The following KCNT1 variants were observed in gnomAD, a reference collection of about 807,000 sequenced individuals.
KCNT1 encodes potassium channel subfamily T member 1.
KCNT1 carries 78 observed loss-of-function variants against 147.8 expected under a neutral mutation model. That is an observed-to-expected ratio of 0.53 (90% CI 0.44 to 0.64). The LOEUF (loss-of-function observed/expected upper bound fraction) is 0.64. Among genes scored for constraint, KCNT1 ranks in the 30% least tolerant of loss-of-function variants. The probability of loss-of-function intolerance (pLI) is 0.00; values close to 1 mark genes in which losing one functional copy is unlikely to be tolerated. For missense variants in KCNT1, 1,419 were observed against 1,750.3 expected, an observed-to-expected ratio of 0.81 and a Z score of 3.38; for synonymous variants, 867 against 748.8, an observed-to-expected ratio of 1.16 and a Z score of -2.58.
chr9:135,791,486 T>TGCAGGTGTGC (rs1834523441), intron 29 of KCNT1: 1 of 401,706 alleles, frequency 2.5e-6, no homozygotes, highest in Non-Finnish European at 4.7e-6. Context: ...CGCTGGTGTG[T>TGCAGGTGTGC]GCAGGTGTGC....
In KCNT1 at chr9:135,779,524, G is replaced by C. The variant is rs187141627; in HGVS notation, c.2841+54G>C. 5.4e-4 allele frequency: 713 copies of C among 1,331,678 alleles called. 9 individuals carry two copies. In the African/African-American group the frequency reaches 9.2e-3, roughly 17 times the overall value. The allele number at this position is 1,331,678 out of a possible 1,614,324, so 82.5% of individuals were successfully genotyped here. A position where few individuals can be genotyped will look rare whatever the true frequency, so the allele number is the denominator to read the frequency against. The stretch of plus-strand genomic sequence containing the variant: ...CACCCCAGAATCCCAGAAAGAGTGG[G>C]AGAAAGGGGCTCAGGGGAAAGGGGG... On this transcript the variant is annotated intron_variant, in intron 24 of 30. Coordinates refer to ENST00000371757, the MANE Select transcript of KCNT1 (RefSeq NM_020822.3).
intron 2 of KCNT1, among the ~76,000 whole-genome samples, chr9:135,743,057 G>C (rs1830645957): frequency 1.3e-5 from 2 of 152,138 alleles, no homozygotes; most frequent in Admixed American, 6.5e-5. Context: ...AGAGGTGGGT[G>C]GTCCGCAGCC....
At chr9:135,719,295 G>A (rs542182976) in intron 2 of KCNT1, among the ~76,000 whole-genome samples, 1 of 152,372 alleles carries the variant, frequency 6.6e-6, no homozygotes, top group South Asian at 2.1e-4. Flanking sequence ...GAGCCAGCGG[G>A]ACAGGGGCTG....
At position 135,714,683 on chromosome 9, in the gene KCNT1, C is replaced by T; in HGVS notation, c.217C>T (p.Leu73=). ...GCCGCCGCGCTACCGCTTCCGGGAC[C>T]TGCTGCTGGGCGACCCGTCCTTCCA... ...PLPPRYRFRD[L]LLGDPSFQND... Residue 73 remains leucine, a synonymous_variant, in exon 2 of 31, where the codon CTG becomes TTG. Coordinates refer to ENST00000371757, the MANE Select transcript of KCNT1 (RefSeq NM_020822.3). The surrounding 1 kb of genome is among the most constrained non-coding windows in gnomAD (Gnocchi z 6.2). 1 of 1,477,704 alleles carries T rather than the reference C, an allele frequency of 6.8e-7. No homozygotes were observed. Among genetic ancestry groups the T allele is most frequent in the Non-Finnish European group, 9.1e-7 (1 of 1,104,192 alleles). The allele number at this position is 1,477,704 out of a possible 1,614,324, so 91.5% of individuals were successfully genotyped here.
rs905524850 is a variant in KCNT1, at chr9:135,769,952, G to A, written c.1516G>A (p.Val506Met). 5.2e-6 allele frequency: 8 copies of A among 1,551,194 alleles called. No homozygotes were observed. Among genetic ancestry groups the A allele is most frequent in the Admixed American group, 1.9e-5 (1 of 51,286 alleles). ...GCCTCCCCCACTGCCCGCAGACCAC[G>A]TGGTGTGTGAGGAGGAGTGCAAGTA... ...NKFHVKFADH[V>M]VCEEECKYAM... Residue 506 changes from valine (V) to methionine (M), a missense_variant, in exon 16 of 31, where the codon GTG becomes ATG. Coordinates refer to ENST00000371757, the MANE Select transcript of KCNT1 (RefSeq NM_020822.3).
At chr9:135,787,611 G>GCTGGC (rs1296578155) in intron 29 of KCNT1, among the ~76,000 whole-genome samples, 4 of 152,184 alleles carry the variant, frequency 2.6e-5, no homozygotes, top group Non-Finnish European at 5.9e-5. Flanking sequence ...ACTGGGCTGG[G>GCTGGC]CTGGCCTGCG....
rs375167637 is a variant in KCNT1, at chr9:135,792,165, A to G, written c.*4A>G. The G allele has an allele frequency of 1.2e-6, 2 of 1,604,028 alleles. No homozygotes were observed. The highest frequency in any genetic ancestry group is 1.7e-6 in the Non-Finnish European group (2 of 1,179,102). ...TCGCGACGAGACACAGCTCTGAGCC[A>G]GCCCTGCACGGAGCTCAGGCCACCA... On this transcript the variant is annotated 3_prime_UTR_variant, in exon 31 of 31. Transcript: ENST00000371757.
At chr9:135,774,360 TTGTGTCTG>T (rs1564376292) in intron 19 of KCNT1, among the ~76,000 whole-genome samples, 1 of 144,350 alleles carries the variant, frequency 6.9e-6, no homozygotes, top group East Asian at 2.1e-4. Context: ...GTGGTGCGTG[TTGTGTCTG>T]TGTGTGGTGT....
Position 135,791,852 on chromosome 9 carries a change from C to A in KCNT1, c.3558C>A (p.Pro1186=), listed in dbSNP as rs148525032. The change falls in exon 30 of 31, where the codon CCC becomes CCA. Residue 1186 remains proline, a synonymous_variant. Coordinates refer to ENST00000371757, the MANE Select transcript of KCNT1 (RefSeq NM_020822.3). Reference sequence around the variant, plus strand: ...CCTACGTCCTCATCAACCCTCCGCCCGACACGAGGCTGGAGCCCAGTGACA... The same window carrying A: ...CCTACGTCCTCATCAACCCTCCGCCAGACACGAGGCTGGAGCCCAGTGACA... ...TLSYVLINPP[P]DTRLEPSDIV... 10 of 1,613,786 alleles carry A rather than the reference C, an allele frequency of 6.2e-6. No homozygotes were observed. The highest frequency in any genetic ancestry group is 5.5e-5 in the South Asian group (5 of 91,054).
chr9:135,707,692 G>C (rs191257020), intron 1 of KCNT1, among the ~76,000 whole-genome samples: 2,162 of 152,280 alleles, frequency 0.014, 31 homozygotes, highest in Non-Finnish European at 0.021. Flanking sequence ...CCCAAGCCCA[G>C]GCTTCTGCCT....
chr9:135,772,144 C>T (rs1588366016), intron 18 of KCNT1, among the ~76,000 whole-genome samples: 1 of 152,338 alleles, frequency 6.6e-6, no homozygotes, highest in African/African-American at 2.4e-5. Flanking sequence ...TGCTGCCTAG[C>T]CACACCTCCA....
chr9:135,771,167 G>A (rs1832733719), intron 18 of KCNT1, 72 bp downstream of exon 18: 2 of 1,381,606 alleles, frequency 1.4e-6, no homozygotes, highest in Admixed American at 2.0e-5. Context: ...GACACCGGCA[G>A]GTGACCAGGT....
rs1039725428 is a variant in KCNT1 at position 135,792,449 on chromosome 9, G to A, written c.*288G>A. On this transcript the variant is annotated 3_prime_UTR_variant, in exon 31 of 31. Transcript: ENST00000371757. ...CCGCAACTCGTGACCAGGGCTGGCT[G>A]GGAGGGCAACGCAGGGACTGGACGC... The A allele has an allele frequency of 8.2e-5, 26 of 316,224 alleles. No individual in the cohort carries two copies. The Admixed American group carries it at 1.1e-3, about 13-fold the overall frequency. 19.6% of individuals were successfully genotyped at this position (316,224 alleles called of 1,614,324 possible).
chr9:135,759,974 G>C (rs1831805621), intron 11 of KCNT1, 115 bp downstream of exon 11: 2 of 1,008,668 alleles, frequency 2.0e-6, no homozygotes, highest in Non-Finnish European at 2.8e-6. Flanking sequence ...CCCAGGAGGG[G>C]ACAGTGAGGC....
At chr9:135,703,645 C>T (rs1835124955) in intron 1 of KCNT1, among the ~76,000 whole-genome samples, 1 of 152,214 alleles carries the variant, frequency 6.6e-6, no homozygotes, top group Admixed American at 6.5e-5. Context: ...CCAAGGGGGT[C>T]CTGGATTGCC....
intron 28 of KCNT1, 35 bp from the exon 29 acceptor site, chr9:135,786,162 C>T (rs922288360): frequency 1.3e-6 from 2 of 1,548,028 alleles, no homozygotes; most frequent in Non-Finnish European, 8.7e-7. Flanking sequence ...GGCAGCCTCA[C>T]CCCTCCCCGC....
chr9:135,748,890 G>C (rs913601869), intron 2 of KCNT1, among the ~76,000 whole-genome samples: 1 of 152,228 alleles, frequency 6.6e-6, no homozygotes, highest in East Asian at 1.9e-4. Flanking sequence ...CGGAGGCAGC[G>C]CCCGAGGGCT....
At chr9:135,785,351 C>A (rs761930726) in intron 28 of KCNT1, 21 bp downstream of exon 28, 2 of 1,612,948 alleles carry the variant, frequency 1.2e-6, no homozygotes, top group Non-Finnish European at 1.7e-6. Flanking sequence ...CCTCCGTGCC[C>A]ACGCAGCTTC....
intron 2 of KCNT1, among the ~76,000 whole-genome samples, chr9:135,747,676 C>T (rs1029350478): frequency 6.6e-6 from 1 of 152,114 alleles, no homozygotes; most frequent in Non-Finnish European, 1.5e-5. Flanking sequence ...GGCTGAGGGA[C>T]ACAGCAGAGC....
Sources: allele counts gnomAD v4.1 joint callset (sites outside exome capture counted in the v4.1 genomes callset), GRCh38; gene constraint gnomAD v4.1.1; non-coding constraint Gnocchi (gnomAD v3.1); transcripts MANE v1.5; gene names NCBI Gene and HGNC (gene_info 2026-07-23, HGNC 2026-07-21).